B3GALT1: variants seen among roughly 807,000 people sequenced by gnomAD.
B3GALT1 encodes the protein UDP-Gal:betaGlcNAc beta 1,3-galactosyltransferase, polypeptide 1.
A neutral mutation model predicts 23.2 loss-of-function variants in B3GALT1; 10 were observed. That is an observed-to-expected ratio of 0.43 (90% CI 0.27 to 0.73). B3GALT1 has a LOEUF of 0.73. Among genes scored for constraint, B3GALT1 ranks in the 30% least tolerant of loss-of-function variants. The pLI is 0.21. For missense variants in B3GALT1, 299 were observed against 405.4 expected, an observed-to-expected ratio of 0.74 and a Z score of 2.25; for synonymous variants, 156 against 141.5, an observed-to-expected ratio of 1.10 and a Z score of -0.73.
At chr2:167,531,995 G>A (rs780769760) in intron 2 of B3GALT1, among the ~76,000 whole-genome samples, 4 of 152,078 alleles carry the variant, frequency 2.6e-5, no homozygotes, top group African/African-American at 7.2e-5. Flanking sequence ...AGTAGTGGTT[G>A]TTTTGGTCCC....
chr2:167,523,919 T>G (rs890613654), intron 2 of B3GALT1, among the ~76,000 whole-genome samples: 3 of 152,212 alleles, frequency 2.0e-5, no homozygotes, highest in Admixed American at 2.0e-4. Flanking sequence ...ATTTCTTTTA[T>G]CAGTTAGTAT....
chr2:167,858,382 A>C (rs1021202833), intron 4 of B3GALT1, among the ~76,000 whole-genome samples: 6 of 150,748 alleles, frequency 4.0e-5, no homozygotes, highest in African/African-American at 1.5e-4. Context: ...TGCACCAATT[A>C]GTCAAGATGC....
chr2:167,405,043 T>C (rs1443409785), intron 1 of B3GALT1, among the ~76,000 whole-genome samples: 2 of 152,292 alleles, frequency 1.3e-5, no homozygotes, highest in Admixed American at 1.3e-4. Context: ...TGTACATTTG[T>C]TTTCGCTTCT....
rs570337565 is a variant in B3GALT1, at chr2:167,537,716, T to C, written c.-410+47439T>C. ...ACCTCCACTCCGCCTATCTAAACCT[T>C]TTCCTTACTTCTGCTCCTACTGGTG... On this transcript the variant is annotated intron_variant, in intron 2 of 4. Coordinates refer to ENST00000392690, the MANE Select transcript of B3GALT1 (RefSeq NM_020981.4). Among the ~76,000 whole-genome samples, 27 of 152,272 alleles carry C rather than the reference T, an allele frequency of 1.8e-4. No individual in the cohort carries two copies. In the South Asian group the frequency reaches 5.6e-3, roughly 32 times the overall value.
At chr2:167,570,730 G>A (rs947102306) in intron 2 of B3GALT1, among the ~76,000 whole-genome samples, 1 of 151,728 alleles carries the variant, frequency 6.6e-6, no homozygotes, top group Non-Finnish European at 1.5e-5. Context: ...TTTAATCAGT[G>A]TTCTTTTGTT....
chr2:167,435,221 A>T (rs1027723018), intron 1 of B3GALT1, among the ~76,000 whole-genome samples: 1 of 151,818 alleles, frequency 6.6e-6, no homozygotes, highest in South Asian at 2.1e-4. Flanking sequence ...ACATAATCAC[A>T]AGTATAAATA....
chr2:167,603,613 C>G (rs539034852), intron 2 of B3GALT1, among the ~76,000 whole-genome samples: 5 of 152,204 alleles, frequency 3.3e-5, no homozygotes, highest in Non-Finnish European at 5.9e-5. Flanking sequence ...ATATTCCTAC[C>G]CAGCATAATA....
chr2:167,699,380 ATTTTTTTTT>A (rs1169813738), intron 3 of B3GALT1, among the ~76,000 whole-genome samples: 10 of 100,186 alleles, frequency 1.0e-4, no homozygotes, highest in African/African-American at 2.3e-4. Flanking sequence ...CATTATTTCT[ATTTTTTTTT>A]TTTTTTTTTT....
At chr2:167,483,359 A>T (rs1462842977) in intron 1 of B3GALT1, among the ~76,000 whole-genome samples, 2 of 152,178 alleles carry the variant, frequency 1.3e-5, no homozygotes, top group Non-Finnish European at 2.9e-5. Flanking sequence ...ACAAACATAA[A>T]CACTGGGTTC....
chr2:167,298,442 T>G (rs752492598), intron 1 of B3GALT1, among the ~76,000 whole-genome samples: 1 of 152,112 alleles, frequency 6.6e-6, no homozygotes. Context: ...TTACATTGTG[T>G]TAATATTATG....
chr2:167,732,820 A>G (rs182946389), intron 3 of B3GALT1, among the ~76,000 whole-genome samples: 2 of 152,352 alleles, frequency 1.3e-5, no homozygotes. Flanking sequence ...GGAAGGAAAA[A>G]GAAGAGCAAA....
In B3GALT1 at chr2:167,514,874, A is replaced by C. The variant is rs191286309; in HGVS notation, c.-410+24597A>C. On this transcript the variant is annotated intron_variant, in intron 2 of 4. Coordinates refer to ENST00000392690, the MANE Select transcript of B3GALT1 (RefSeq NM_020981.4). ...GTAATAGGATCTGGTTAATAAATAT[A>C]AACTACTATAATTTGTTATGAAGAA... 1.6e-3 allele frequency among the ~76,000 whole-genome samples: 238 copies of C among 152,292 alleles called. 7 individuals carry two copies. In the East Asian group the frequency reaches 0.04, roughly 25 times the overall value.
At chr2:167,799,345 C>T (rs986280469) in intron 3 of B3GALT1, among the ~76,000 whole-genome samples, 3 of 152,080 alleles carry the variant, frequency 2.0e-5, no homozygotes, top group African/African-American at 7.2e-5. Flanking sequence ...CCCCCTCCAC[C>T]CTCCCCCTTG....
chr2:167,860,291 AT>A (rs1690073164), intron 4 of B3GALT1, among the ~76,000 whole-genome samples: 2 of 152,182 alleles, frequency 1.3e-5, no homozygotes, highest in African/African-American at 2.4e-5. Context: ...CCCCTTTTCA[AT>A]ATCATGATGT....
intron 3 of B3GALT1, among the ~76,000 whole-genome samples, chr2:167,706,731 C>T (rs146543233): frequency 3.0e-4 from 45 of 152,286 alleles, no homozygotes; most frequent in African/African-American, 1.0e-3. Context: ...TTTTGGGATA[C>T]AATGCACAAG....
chr2:167,597,140 G>A (rs1204868082), intron 2 of B3GALT1, among the ~76,000 whole-genome samples: 1 of 138,024 alleles, frequency 7.2e-6, no homozygotes, highest in Non-Finnish European at 1.6e-5. Context: ...TTTTTAGATA[G>A]AGCCTCTCTC....
At chr2:167,682,493 C>T (rs187362816) in intron 3 of B3GALT1, among the ~76,000 whole-genome samples, 225 of 152,262 alleles carry the variant, frequency 1.5e-3, no homozygotes, top group Admixed American at 4.3e-3. Flanking sequence ...ACCTATTATC[C>T]CCCTCTCTTG....
chr2:167,404,563 A>G (rs1441007273), intron 1 of B3GALT1, among the ~76,000 whole-genome samples: 2 of 152,154 alleles, frequency 1.3e-5, no homozygotes, highest in East Asian at 3.9e-4. Flanking sequence ...AGCTTGACTA[A>G]TTATTTTGAA....
chr2:167,657,009 G>A (rs1317376262), intron 3 of B3GALT1, among the ~76,000 whole-genome samples: 2 of 152,176 alleles, frequency 1.3e-5, no homozygotes, highest in South Asian at 2.1e-4. Context: ...AGGCATCCCT[G>A]AGAAGAGTAT....
Sources: gnomAD v4.1 joint callset for allele counts (sites outside exome capture counted in the v4.1 genomes callset) on GRCh38, gnomAD v4.1.1 for gene constraint, MANE v1.5 for transcripts, NCBI Gene and HGNC (gene_info 2026-07-23, HGNC 2026-07-21) for gene names.